Variants in FAM149B1 observed in about 807,000 individuals in gnomAD.
The protein encoded by FAM149B1 is family with sequence similarity 149 member B1, also known as primary cilium assembly protein FAM149B1.
A neutral mutation model predicts 75.3 loss-of-function variants in FAM149B1; 56 were observed. The ratio of observed to expected loss-of-function variants is 0.74; its 90% CI spans 0.60 to 0.93. FAM149B1 has a LOEUF of 0.93. Ranked by LOEUF, FAM149B1 falls within the 40% of genes least tolerant of loss-of-function variation. The probability of loss-of-function intolerance (pLI) is 0.00; values close to 1 mark genes in which losing one functional copy is unlikely to be tolerated. For missense variants in FAM149B1, 639 were observed against 708.4 expected (o/e 0.90, Z 1.11); for synonymous variants, 259 against 256.1 (o/e 1.01, Z -0.11).
At chr10:73,206,319 G>A (rs1353347004) in intron 5 of FAM149B1, among the ~76,000 whole-genome samples, 1 of 152,182 alleles carries the variant, frequency 6.6e-6, no homozygotes, top group East Asian at 1.9e-4. Flanking sequence ...TCAGATGTGG[G>A]AGCAAAGAAA....
At chr10:73,193,998 A>G (rs2042738602) in intron 5 of FAM149B1, among the ~76,000 whole-genome samples, 1 of 152,116 alleles carries the variant, frequency 6.6e-6, no homozygotes, top group African/African-American at 2.4e-5. Context: ...ACATGCTAAT[A>G]TGCCAACTCA....
intron 7 of FAM149B1, among the ~76,000 whole-genome samples, chr10:73,219,766 C>G (rs1024453600): frequency 3.3e-5 from 5 of 152,038 alleles, no homozygotes; most frequent in African/African-American, 1.2e-4. Context: ...CACAATGGAT[C>G]AAGGACCTAA....
intron 9 of FAM149B1, 191 bp downstream of exon 9, chr10:73,230,716 G>A (rs953536084): frequency 9.7e-6 from 5 of 514,400 alleles, no homozygotes; most frequent in East Asian, 3.2e-5. Context: ...GAAGACATAC[G>A]TGGGTAAAAA....
At chr10:73,214,657 GATCATGTTGTATT>G (rs1369333484) in intron 7 of FAM149B1, among the ~76,000 whole-genome samples, 2 of 152,144 alleles carry the variant, frequency 1.3e-5, no homozygotes, top group Non-Finnish European at 2.9e-5. Flanking sequence ...AATCCCACTT[GATCATGTTGTATT>G]ATCTTTTTGA....
At chr10:73,203,430 T>C (rs764573342) in intron 5 of FAM149B1, among the ~76,000 whole-genome samples, 2 of 152,224 alleles carry the variant, frequency 1.3e-5, no homozygotes, top group Admixed American at 1.3e-4. Context: ...CTACCATGTA[T>C]GTATATGGTT....
At chr10:73,229,058 G>A (rs1416918006) in intron 8 of FAM149B1, among the ~76,000 whole-genome samples, 1 of 151,974 alleles carries the variant, frequency 6.6e-6, no homozygotes, top group Non-Finnish European at 1.5e-5. Flanking sequence ...TTTGCCTTTT[G>A]GATGTTTAGT....
rs541597793 is a variant in FAM149B1 at position 73,180,016 on chromosome 10, G to A, written c.282+2041G>A. Among the ~76,000 whole-genome samples the A allele has an allele frequency of 4.6e-5, 7 of 152,228 alleles. No individual in the cohort carries two copies. The South Asian group carries it at 1.2e-3, about 27-fold the overall frequency. On this transcript the variant is annotated intron_variant, in intron 3 of 13. Transcript: ENST00000242505. ...TTGTTTTCCCTGTACTTGGCCTTGG[G>A]AATATGGGGTGAGTGAGACTTACAT...
chr10:73,231,925 T>TA (rs10693492), intron 9 of FAM149B1, among the ~76,000 whole-genome samples: 12,900 of 141,970 alleles, frequency 0.091, 795 homozygotes, highest in African/African-American at 0.18. Context: ...TAGGGTGTGT[T>TA]AAAAAAAAAA....
intron 13 of FAM149B1, among the ~76,000 whole-genome samples, chr10:73,239,964 G>T (rs2043904743): frequency 3.3e-5 from 5 of 152,172 alleles, no homozygotes; most frequent in Non-Finnish European, 7.4e-5. Flanking sequence ...TCACTCTGCT[G>T]ATCAGGCCAG....
At chr10:73,235,124 T>C in intron 11 of FAM149B1, 69 bp from the exon 12 acceptor site, 1 of 1,510,550 alleles carries the variant, frequency 6.6e-7, no homozygotes. Flanking sequence ...CCATGGTCGA[T>C]AGGGTTTTAA....
At position 73,174,631 on chromosome 10, in the gene FAM149B1, T is replaced by C. The variant is rs1843862273; in HGVS notation, c.48-56T>C. The C allele has an allele frequency of 6.3e-6, 8 of 1,265,782 alleles. No individual in the cohort carries two copies. The South Asian group carries it at 7.8e-5, about 12-fold the overall frequency. 78.4% of individuals were successfully genotyped at this position (1,265,782 alleles called of 1,614,324 possible). On this transcript the variant is annotated intron_variant, in intron 1 of 13. Coordinates refer to ENST00000242505, the MANE Select transcript of FAM149B1 (RefSeq NM_173348.2). ...GGTGACTAACTTCTAGATTAAATTATTGAATTGTATGTATTTTTTTATACA... is the reference window on the plus strand; with the variant it reads ...GGTGACTAACTTCTAGATTAAATTACTGAATTGTATGTATTTTTTTATACA...
rs891273501 is a variant in FAM149B1 at position 73,177,836 on chromosome 10, G to T, written c.153-10G>T. On this transcript the variant is annotated splice_polypyrimidine_tract_variant and intron_variant, in intron 2 of 13. Coordinates refer to ENST00000242505, the MANE Select transcript of FAM149B1 (RefSeq NM_173348.2). ...CTTTTTTCTCTCCTCCTCCCAAATTGTGCCTTTAGCAAGTCTGACATCACA... is the reference window on the plus strand; with the variant it reads ...CTTTTTTCTCTCCTCCTCCCAAATTTTGCCTTTAGCAAGTCTGACATCACA... The T allele has an allele frequency of 3.2e-6, 5 of 1,540,654 alleles. No individual in the cohort carries two copies. Among genetic ancestry groups the T allele is most frequent in the Non-Finnish European group, 3.5e-6 (4 of 1,145,922 alleles).
At position 73,232,981 on chromosome 10, in the gene FAM149B1, C is replaced by T; in HGVS notation, c.1170C>T (p.Thr390=). The T allele has an allele frequency of 6.4e-7, 1 of 1,551,876 alleles. No individual in the cohort carries two copies. The highest frequency in any genetic ancestry group is 1.7e-4 in the Middle Eastern group (1 of 5,996). The change falls in exon 10 of 14, where the codon ACC becomes ACT. Residue 390 remains threonine (T), a synonymous_variant. Transcript: ENST00000242505. The part of the protein sequence containing the change: ...DKLLMRPGSS[T]ILSTRNWPNR... ...TACTTATGAGGCCTGGGTCCAGTAC[C>T]ATCCTTTCAACTCGAAATTGGCCAA... is the stretch of plus-strand genomic sequence containing the variant.
chr10:73,191,457 C>G (rs966012835), intron 3 of FAM149B1, among the ~76,000 whole-genome samples: 9 of 152,110 alleles, frequency 5.9e-5, no homozygotes, highest in African/African-American at 2.2e-4. Flanking sequence ...CTGCCTCAGC[C>G]TCTCAAGTAA....
intron 9 of FAM149B1, 29 bp downstream of exon 9, chr10:73,230,554 C>G: frequency 8.0e-7 from 1 of 1,254,922 alleles, no homozygotes; most frequent in Admixed American, 2.0e-5. Context: ...TCAGACTATA[C>G]AGTGTAAAAG....
At chr10:73,182,383 T>G (rs1485952139) in intron 3 of FAM149B1, among the ~76,000 whole-genome samples, 1 of 152,132 alleles carries the variant, frequency 6.6e-6, no homozygotes, top group Non-Finnish European at 1.5e-5. Flanking sequence ...CCTGGCTAAT[T>G]GTATTTTTAG....
intron 5 of FAM149B1, among the ~76,000 whole-genome samples, chr10:73,206,326 G>C (rs1240932881): frequency 6.6e-6 from 1 of 152,172 alleles, no homozygotes; most frequent in Non-Finnish European, 1.5e-5. Context: ...TGGGAGCAAA[G>C]AAATGACTTA....
At chr10:73,212,755 C>T (rs530298179) in intron 7 of FAM149B1, among the ~76,000 whole-genome samples, 1 of 151,730 alleles carries the variant, frequency 6.6e-6, no homozygotes, top group African/African-American at 2.4e-5. Flanking sequence ...TCTTCACATC[C>T]TTGCCAACAT....
At chr10:73,218,102 G>A (rs1189479121) in intron 7 of FAM149B1, among the ~76,000 whole-genome samples, 1 of 152,162 alleles carries the variant, frequency 6.6e-6, no homozygotes, top group Non-Finnish European at 1.5e-5. Flanking sequence ...ACAAGAGTGG[G>A]ACAGGCAAAG....
Sources: allele counts gnomAD v4.1 joint callset (sites outside exome capture counted in the v4.1 genomes callset), GRCh38; gene constraint gnomAD v4.1.1; transcripts MANE v1.5; gene names NCBI Gene and HGNC (gene_info 2026-07-23, HGNC 2026-07-21).